TMPRSS2: variants seen among roughly 807,000 people sequenced by gnomAD.
TMPRSS2 encodes the protein transmembrane serine protease 2, also known as transmembrane protease serine 2.
Under a neutral mutation model 67.4 loss-of-function variants are expected in TMPRSS2, and 59 were observed. That is an observed-to-expected ratio of 0.88 (90% confidence interval 0.71 to 1.09). TMPRSS2 has a LOEUF of 1.09. Ranked by LOEUF, TMPRSS2 falls within the 50% of genes least tolerant of loss-of-function variation. TMPRSS2 has a pLI of 0.00. For missense variants in TMPRSS2, 668 were observed against 642.7 expected, an observed-to-expected ratio of 1.04 and a Z score of -0.43; for synonymous variants, 257 against 257.0, an observed-to-expected ratio of 1.00 and a Z score of 0.00.
intron 8 of TMPRSS2, among the ~76,000 whole-genome samples, chr21:41,475,632 TTGAGGGAGTGA>T (rs2091204563): frequency 6.5e-5 from 1 of 15,318 alleles, no homozygotes. Flanking sequence ...TGAGTGAGGG[TTGAGGGAGTGA>T]GGAGGTGAGT....
chr21:41,489,175 G>A (rs557587245), intron 4 of TMPRSS2, among the ~76,000 whole-genome samples: 5 of 152,230 alleles, frequency 3.3e-5, no homozygotes, highest in Non-Finnish European at 5.9e-5. Context: ...GTTGCAGGAG[G>A]TGGGACATGG....
intron 1 of TMPRSS2, chr21:41,502,642 G>A (rs781145934): frequency 5.6e-5 from 54 of 957,852 alleles, no homozygotes; most frequent in Non-Finnish European, 6.6e-5. Flanking sequence ...TAGAATGCAT[G>A]ACTAAATGAG....
At position 41,478,429 on chromosome 21, in the gene TMPRSS2, G is replaced by A. The variant is rs1222433482; in HGVS notation, c.683+743C>T. Among the ~76,000 whole-genome samples, 2 of 152,220 alleles carry A rather than the reference G, an allele frequency of 1.3e-5. No individual in the cohort carries two copies. The highest frequency in any genetic ancestry group is 4.8e-5 in the African/African-American group (2 of 41,442). On this transcript the variant is annotated intron_variant, in intron 7 of 13. Transcript: ENST00000332149. The surrounding 1 kb of genome is among the most constrained non-coding windows in gnomAD (Gnocchi z 4.0). ...CCTGGGAGGCAAGGAGAGCTCATGG[G>A]CAAAGGACACTGTGTATCTTTCACA...
In TMPRSS2 at chr21:41,473,907, G is replaced by T. The variant is rs371053759; in HGVS notation, c.728-411C>A. Among the ~76,000 whole-genome samples, 483 of 108,946 alleles carry T rather than the reference G, an allele frequency of 4.4e-3. 3 individuals are homozygous for T. The highest frequency in any genetic ancestry group is 9.2e-3 in the Middle Eastern group (2 of 218). 71.5% of individuals were successfully genotyped at this position (108,946 alleles called of 152,430 possible). The stretch of plus-strand genomic sequence containing the variant: ...AGGAGACGAGGAGGTGAGTGAGAAG[G>T]TGAAGGGGTGAGTGAGGGAGTGAGT... On this transcript the variant is annotated intron_variant, in intron 8 of 13. Transcript: ENST00000332149.
At chr21:41,491,151 A>ATTTT (rs35598191) in intron 3 of TMPRSS2, among the ~76,000 whole-genome samples, 13 of 106,590 alleles carry the variant, frequency 1.2e-4, no homozygotes, top group East Asian at 2.7e-4. Flanking sequence ...TCTGCATTGC[A>ATTTT]TTTTTTTTTT....
In TMPRSS2 at chr21:41,470,670, C is replaced by A; in HGVS notation, c.1149G>T (p.Gly383=). The A allele has an allele frequency of 1.9e-6, 3 of 1,613,556 alleles. No homozygotes were observed. The highest frequency in any genetic ancestry group is 2.5e-6 in the Non-Finnish European group (3 of 1,179,972). ...CACCTTTCTCCTCGGTGGCCCCCCACCCGGAAATCCAGCAGAGCTGTTCTG... is the reference window on the plus strand; with the variant it reads ...CACCTTTCTCCTCGGTGGCCCCCCAACCGGAAATCCAGCAGAGCTGTTCTG... The part of the protein sequence containing the change: ...LQPEQLCWIS[G]WGATEEKGKT... The change falls in exon 11 of 14, where the codon GGG becomes GGT. Residue 383 remains glycine (G), a synonymous_variant. Transcript: ENST00000332149.
intron 3 of TMPRSS2, among the ~76,000 whole-genome samples, chr21:41,491,585 G>A (rs1180599263): frequency 3.9e-5 from 6 of 152,210 alleles, no homozygotes; most frequent in African/African-American, 4.8e-5. Context: ...GGTAGTTCAT[G>A]AGAGAAATTC....
At chr21:41,480,805 A>T (rs1601575333) in intron 5 of TMPRSS2, among the ~76,000 whole-genome samples, 1 of 151,768 alleles carries the variant, frequency 6.6e-6, no homozygotes, top group Admixed American at 6.6e-5. Context: ...CGTCCAGTTA[A>T]TTTTTCTGTT....
chr21:41,493,754 A>G (rs562000328), intron 3 of TMPRSS2, among the ~76,000 whole-genome samples: 1 of 152,234 alleles, frequency 6.6e-6, no homozygotes, highest in African/African-American at 2.4e-5. Context: ...GATGAATGGT[A>G]GGGTGAGGAA....
chr21:41,473,540 A>AGCC, intron 8 of TMPRSS2, 44 bp from the exon 9 acceptor site: 1 of 1,560,344 alleles, frequency 6.4e-7, no homozygotes, highest in Non-Finnish European at 8.7e-7. Flanking sequence ...GACCAGCAGA[A>AGCC]GCCGCCCAGC....
intron 2 of TMPRSS2, among the ~76,000 whole-genome samples, chr21:41,496,158 C>T (rs2091380691): frequency 6.6e-6 from 1 of 152,186 alleles, no homozygotes; most frequent in African/African-American, 2.4e-5. Context: ...CTCATAATCT[C>T]CTTGAGCGCT....
chr21:41,492,321 T>C (rs2091344267), intron 3 of TMPRSS2, among the ~76,000 whole-genome samples: 1 of 152,242 alleles, frequency 6.6e-6, no homozygotes, highest in East Asian at 1.9e-4. Flanking sequence ...TAGCTGCTTG[T>C]TTCACACGCA....
chr21:41,490,345 G>A (rs1277435131), intron 3 of TMPRSS2, among the ~76,000 whole-genome samples: 4 of 152,228 alleles, frequency 2.6e-5, no homozygotes, highest in African/African-American at 4.8e-5. Context: ...GCTATTTAGC[G>A]AATGGATGCT....
intron 13 of TMPRSS2, among the ~76,000 whole-genome samples, chr21:41,467,085 A>G (rs543578752): frequency 2.6e-5 from 4 of 152,234 alleles, no homozygotes; most frequent in South Asian, 4.1e-4. Flanking sequence ...TCTGCTCTCT[A>G]TAAATCAAAA....
intron 1 of TMPRSS2, among the ~76,000 whole-genome samples, chr21:41,500,367 C>A (rs1055900581): frequency 1.3e-5 from 2 of 152,210 alleles, no homozygotes; most frequent in Admixed American, 6.5e-5. Context: ...AGAGGGCTGT[C>A]TTGATTCGCA....
intron 4 of TMPRSS2, 48 bp downstream of exon 4, chr21:41,489,459 C>T: frequency 3.9e-6 from 6 of 1,542,480 alleles, no homozygotes; most frequent in Non-Finnish European, 5.4e-6. Flanking sequence ...GCTCAGAGCA[C>T]TGGGGACTGC....
In TMPRSS2 at chr21:41,468,652, T is replaced by A. The variant is rs534892317; in HGVS notation, c.1172-114A>T. On this transcript the variant is annotated intron_variant, in intron 11 of 13. Coordinates refer to ENST00000332149, the MANE Select transcript of TMPRSS2 (RefSeq NM_005656.4). ...ACTACACAGATGGTCACAGCCCTATTTTCCAGCCCTGCCCCGGTCAGCTCA... is the reference window on the plus strand; with the variant it reads ...ACTACACAGATGGTCACAGCCCTATATTCCAGCCCTGCCCCGGTCAGCTCA... 3.9e-6 allele frequency: 5 copies of A among 1,270,684 alleles called. No homozygotes were observed. The East Asian group carries it at 1.2e-4, about 31-fold the overall frequency. The allele number at this position is 1,270,684 out of a possible 1,614,324, so 78.7% of individuals were successfully genotyped here.
intron 10 of TMPRSS2, 151 bp from the exon 11 acceptor site, chr21:41,470,894 C>T: frequency 1.8e-6 from 1 of 562,966 alleles, no homozygotes; most frequent in South Asian, 2.6e-5. Context: ...TCACTTTCTC[C>T]CCCTGCCAGA....
intron 10 of TMPRSS2, 30 bp from the exon 11 acceptor site, chr21:41,470,773 C>A: frequency 6.2e-7 from 1 of 1,610,076 alleles, no homozygotes; most frequent in South Asian, 1.1e-5. Context: ...CACAGTGAGC[C>A]AGGCGGGTAT....
Sources: gnomAD v4.1 joint callset for allele counts (sites outside exome capture counted in the v4.1 genomes callset) on GRCh38, gnomAD v4.1.1 for gene constraint, Gnocchi (gnomAD v3.1) non-coding constraint, MANE v1.5 for transcripts, NCBI Gene and HGNC (gene_info 2026-07-23, HGNC 2026-07-21) for gene names.